Variants in RGS7BP observed in about 807,000 individuals in gnomAD.
RGS7BP encodes regulator of G protein signaling 7 binding protein.
Under a neutral mutation model 31.3 loss-of-function variants are expected in RGS7BP, and 9 were observed. The observed-to-expected ratio is 0.29, with a 90% CI of 0.17 to 0.50. The LOEUF (loss-of-function observed/expected upper bound fraction) is 0.50, where lower values mean the gene tolerates loss of function less well. Ranked by LOEUF, RGS7BP falls within the 20% of genes least tolerant of loss-of-function variation. The pLI is 0.98. For synonymous variants in RGS7BP, 115 were observed against 120.1 expected (o/e 0.96, Z 0.28); for missense variants, 274 against 322.0 (o/e 0.85, Z 1.14).
chr5:64,531,167 C>T (rs1420964506), intron 2 of RGS7BP, among the ~76,000 whole-genome samples: 1 of 152,158 alleles, frequency 6.6e-6, no homozygotes, highest in African/African-American at 2.4e-5. Flanking sequence ...CCCTCAATAC[C>T]ATCAATAATG....
intron 2 of RGS7BP, among the ~76,000 whole-genome samples, chr5:64,553,529 CA>C (rs1741847122): frequency 6.6e-6 from 1 of 151,952 alleles, no homozygotes; most frequent in South Asian, 2.1e-4. Flanking sequence ...TTCAAAATGA[CA>C]CTTTTTTTTT....
At chr5:64,584,880 T>C (rs905254575) in intron 3 of RGS7BP, among the ~76,000 whole-genome samples, 5 of 152,238 alleles carry the variant, frequency 3.3e-5, no homozygotes, top group Admixed American at 6.5e-5. Context: ...AACTGCTTTT[T>C]AATATGGGTA....
In RGS7BP at chr5:64,609,649, G is replaced by A. The variant is rs1043747177; in HGVS notation, c.*397G>A. ...TGCTGATCTCATGTTAAAATTTATCGTATATGAAAGAAGTCTTTAAACATA... is the reference window on the plus strand; with the variant it reads ...TGCTGATCTCATGTTAAAATTTATCATATATGAAAGAAGTCTTTAAACATA... On this transcript the variant is annotated 3_prime_UTR_variant, in exon 6 of 6. Coordinates refer to ENST00000334025, the MANE Select transcript of RGS7BP (RefSeq NM_001029875.3). 68 of 159,126 alleles carry A rather than the reference G, an allele frequency of 4.3e-4. 1 individual carries two copies. The highest frequency in any genetic ancestry group is 2.1e-3 in the Admixed American group (35 of 16,394). 9.9% of individuals were successfully genotyped at this position (159,126 alleles called of 1,614,324 possible).
chr5:64,506,584 G>T lies in RGS7BP; in HGVS notation c.-41G>T. Reference sequence around the variant, plus strand: ...CAACAACCGGGCCGCCCGCGCCGGGGCGCACTGCACCAGCGGCTTCGGCTT... The same window carrying T: ...CAACAACCGGGCCGCCCGCGCCGGGTCGCACTGCACCAGCGGCTTCGGCTT... On this transcript the variant is annotated 5_prime_UTR_variant, in exon 1 of 6. Coordinates refer to ENST00000334025, the MANE Select transcript of RGS7BP (RefSeq NM_001029875.3). This position sits in a 1 kb window ranked among gnomAD's most constrained non-coding sequence, Gnocchi z 4.6. 1 of 1,545,094 alleles carries T rather than the reference G, an allele frequency of 6.5e-7. No individual in the cohort carries two copies. The highest frequency in any genetic ancestry group is 8.8e-7 in the Non-Finnish European group (1 of 1,136,892).
At position 64,506,542 on chromosome 5, in the gene RGS7BP, G is replaced by A. The variant is rs952228207; in HGVS notation, c.-83G>A. 137 of 1,306,142 alleles carry A rather than the reference G, an allele frequency of 1.0e-4. No homozygotes were observed. Among genetic ancestry groups the A allele is most frequent in the Non-Finnish European group, 1.4e-4 (129 of 949,422 alleles). The allele number at this position is 1,306,142 out of a possible 1,614,324, so 80.9% of individuals were successfully genotyped here. ...CCTCAGGTCCGGGCTCCGGCTGCTT[G>A]GCGGCGGCGCCCAGGGCAACAACCG... is the stretch of plus-strand genomic sequence containing the variant. On this transcript the variant is annotated 5_prime_UTR_variant, in exon 1 of 6. Transcript: ENST00000334025. This position sits in a 1 kb window ranked among gnomAD's most constrained non-coding sequence, Gnocchi z 4.6.
chr5:64,580,152 A>G (rs923621427), intron 3 of RGS7BP, among the ~76,000 whole-genome samples: 1 of 152,214 alleles, frequency 6.6e-6, no homozygotes, highest in Non-Finnish European at 1.5e-5. Flanking sequence ...ACAACCCAAG[A>G]GTATTAAACT....
At position 64,506,944 on chromosome 5, in the gene RGS7BP, G is replaced by A. The variant is rs577379884; in HGVS notation, c.165+155G>A. 1.3e-5 allele frequency among the ~76,000 whole-genome samples: 2 copies of A among 152,094 alleles called. No homozygotes were observed. Among genetic ancestry groups the A allele is most frequent in the East Asian group, 3.9e-4 (2 of 5,134 alleles). On this transcript the variant is annotated intron_variant, in intron 1 of 5. Transcript: ENST00000334025. This position sits in a 1 kb window ranked among gnomAD's most constrained non-coding sequence, Gnocchi z 4.6. ...CACATGCACTATTTTTAAATCTGCAGTCCCCCAAATTCAGGGTGACACCCT... is the reference window on the plus strand; with the variant it reads ...CACATGCACTATTTTTAAATCTGCAATCCCCCAAATTCAGGGTGACACCCT...
In RGS7BP at chr5:64,524,962, A is replaced by G. The variant is rs549819807; in HGVS notation, c.332+17085A>G. Among the ~76,000 whole-genome samples, 3 of 152,196 alleles carry G rather than the reference A, an allele frequency of 2.0e-5. No homozygotes were observed. The South Asian group carries it at 6.2e-4, about 32-fold the overall frequency. ...GTGAGTTGGCCTCTCCACCAATTCTATGCCATACTTGGTGGCCTGGGGCTT... is the reference window on the plus strand; with the variant it reads ...GTGAGTTGGCCTCTCCACCAATTCTGTGCCATACTTGGTGGCCTGGGGCTT... On this transcript the variant is annotated intron_variant, in intron 2 of 5. Coordinates refer to ENST00000334025, the MANE Select transcript of RGS7BP (RefSeq NM_001029875.3).
Position 64,609,428 on chromosome 5 carries a change from C to T in RGS7BP, c.*176C>T, listed in dbSNP as rs1743448147. On this transcript the variant is annotated 3_prime_UTR_variant, in exon 6 of 6. Transcript: ENST00000334025. ...ATGATTTTACACTTGAAAGCAGCTG[C>T]CGTCAAGAAAAAAAAGAACAGATTC... 1.8e-6 allele frequency: 1 copy of T among 545,620 alleles called. No individual in the cohort carries two copies. The highest frequency in any genetic ancestry group is 3.3e-6 in the Non-Finnish European group (1 of 303,050). The allele number at this position is 545,620 out of a possible 1,614,324, so 33.8% of individuals were successfully genotyped here.
chr5:64,585,080 A>T (rs1391551019), intron 3 of RGS7BP, among the ~76,000 whole-genome samples: 5 of 152,148 alleles, frequency 3.3e-5, no homozygotes, highest in African/African-American at 1.2e-4. Context: ...TTGGATTCAT[A>T]AGCATCCGTG....
chr5:64,546,847 G>A (rs964178295), intron 2 of RGS7BP, among the ~76,000 whole-genome samples: 1 of 152,108 alleles, frequency 6.6e-6, no homozygotes, highest in Non-Finnish European at 1.5e-5. Context: ...TCCTACATAT[G>A]TATACACCTG....
In RGS7BP at chr5:64,610,803, T is replaced by G. The variant is rs1014464133; in HGVS notation, c.*1551T>G. The stretch of plus-strand genomic sequence containing the variant: ...AATGGCAATTTCTTATAGTTCACCC[T>G]AATATCCAATGTGGAAATTATACTT... On this transcript the variant is annotated 3_prime_UTR_variant, in exon 6 of 6. Transcript: ENST00000334025. The G allele has an allele frequency of 6.6e-6, 1 of 152,012 alleles. No homozygotes were observed. The highest frequency in any genetic ancestry group is 2.4e-5 in the African/African-American group (1 of 41,414). The allele number at this position is 152,012 out of a possible 1,614,324, so 9.4% of individuals were successfully genotyped here.
intron 5 of RGS7BP, among the ~76,000 whole-genome samples, chr5:64,606,904 A>G (rs1743379699): frequency 1.3e-5 from 2 of 152,108 alleles, no homozygotes; most frequent in African/African-American, 2.4e-5. Context: ...TGGAAAGGAC[A>G]ATTATAGCCC....
chr5:64,507,444 A>G (rs1167944195), intron 1 of RGS7BP, among the ~76,000 whole-genome samples: 1 of 152,176 alleles, frequency 6.6e-6, no homozygotes, highest in Non-Finnish European at 1.5e-5. Context: ...CTTGCTCTTC[A>G]GAAACTGAGT....
intron 2 of RGS7BP, among the ~76,000 whole-genome samples, chr5:64,528,183 G>C (rs112677304): frequency 0.022 from 3,423 of 152,268 alleles, 71 homozygotes; most frequent in African/African-American, 0.056. Context: ...CATTTCTCCT[G>C]CAGTATTTGT....
chr5:64,559,581 G>C (rs1270499983), intron 2 of RGS7BP, among the ~76,000 whole-genome samples: 8 of 152,068 alleles, frequency 5.3e-5, no homozygotes, highest in Admixed American at 2.0e-4. Flanking sequence ...TAACACCTTA[G>C]CCAATGTTAT....
intron 3 of RGS7BP, among the ~76,000 whole-genome samples, chr5:64,585,732 A>G (rs1742730490): frequency 6.6e-6 from 1 of 152,178 alleles, no homozygotes; most frequent in South Asian, 2.1e-4. Context: ...CTTCCCTTAA[A>G]TTTTCCTCAA....
chr5:64,538,485 ATTTTTTTTCCTTTTCTTTTCTT>A (rs1561327100), intron 2 of RGS7BP, among the ~76,000 whole-genome samples: 4 of 56,984 alleles, frequency 7.0e-5, no homozygotes, highest in African/African-American at 2.9e-4. Flanking sequence ...GCATGTAGCC[ATTTTTTTTCCTTTTCTTTTCTT>A]TTTTTTTTTC....
intron 2 of RGS7BP, among the ~76,000 whole-genome samples, chr5:64,569,037 C>T (rs968369477): frequency 6.6e-6 from 1 of 152,004 alleles, no homozygotes; most frequent in African/African-American, 2.4e-5. Flanking sequence ...ATATATAGGT[C>T]CCCAAAGTAG....
Sources: gnomAD v4.1 joint callset for allele counts (sites outside exome capture counted in the v4.1 genomes callset) on GRCh38, gnomAD v4.1.1 for gene constraint, Gnocchi (gnomAD v3.1) non-coding constraint, MANE v1.5 for transcripts, NCBI Gene and HGNC (gene_info 2026-07-23, HGNC 2026-07-21) for gene names.